The following OTOF variants were observed in gnomAD, a reference collection of about 807,000 sequenced individuals.
The protein encoded by OTOF is fer-1-like family member 2.
OTOF carries 218 observed loss-of-function variants against 236.8 expected under a neutral mutation model. That is an observed-to-expected ratio of 0.92 (90% CI 0.82 to 1.03). The LOEUF (loss-of-function observed/expected upper bound fraction) is 1.03, where lower values mean the gene tolerates loss of function less well. Among genes scored for constraint, OTOF ranks in the 50% least tolerant of loss-of-function variants. The pLI, the probability that OTOF is intolerant of heterozygous loss-of-function variation, is 0.00. For missense variants in OTOF, 2,590 were observed against 2,694.4 expected, an observed-to-expected ratio of 0.96 and a Z score of 0.86; for synonymous variants, 1,041 against 1,072.5, an observed-to-expected ratio of 0.97 and a Z score of 0.57.
intron 30 of OTOF, among the ~76,000 whole-genome samples, chr2:26,471,780 C>A (rs540936978): frequency 6.6e-6 from 1 of 152,098 alleles, no homozygotes; most frequent in African/African-American, 2.4e-5. Flanking sequence ...ATACGCACAC[C>A]GCAAGCATGC....
At chr2:26,535,572 G>C (rs940805388) in intron 2 of OTOF, among the ~76,000 whole-genome samples, 14 of 152,262 alleles carry the variant, frequency 9.2e-5, no homozygotes, top group African/African-American at 3.1e-4. Context: ...CCCCGGGCAG[G>C]AGCCTCTTCT....
intron 2 of OTOF, among the ~76,000 whole-genome samples, chr2:26,536,744 C>T (rs1260223399): frequency 1.3e-5 from 2 of 152,156 alleles, no homozygotes; most frequent in East Asian, 1.9e-4. Context: ...AGGGGGTACA[C>T]TATTTGAGGG....
In OTOF at chr2:26,459,023, A is replaced by G. The variant is rs1309461293; in HGVS notation, c.*18-803T>C. On this transcript the variant is annotated intron_variant, in intron 46 of 46. Coordinates refer to ENST00000272371, the MANE Select transcript of OTOF (RefSeq NM_194248.3). ...GTACCTACCTCCTGGGTTTGGCGCA[A>G]TGGCACAGTGAGCCAGTGCCTGGGG... is the stretch of plus-strand genomic sequence containing the variant. Among the ~76,000 whole-genome samples, 8 of 152,334 alleles carry G rather than the reference A, an allele frequency of 5.3e-5. No homozygotes were observed. The East Asian group carries it at 1.5e-3, about 29-fold the overall frequency.
In OTOF at chr2:26,476,112, A is replaced by G. The variant is rs761750561; in HGVS notation, c.2866+16T>C. The stretch of plus-strand genomic sequence containing the variant: ...CCCCTCCCAGGTGAGGCTTCGAGTG[A>G]GGGGTCCTCACTCACTGGTGTAGAC... On this transcript the variant is annotated intron_variant, in intron 23 of 46. Coordinates refer to ENST00000272371, the MANE Select transcript of OTOF (RefSeq NM_194248.3). 1 of 1,611,252 alleles carries G rather than the reference A, an allele frequency of 6.2e-7. No homozygotes were observed. The highest frequency in any genetic ancestry group is 1.1e-5 in the South Asian group (1 of 90,874).
At chr2:26,474,490 G>A in intron 26 of OTOF, 23 bp downstream of exon 26, 6 of 1,531,150 alleles carry the variant, frequency 3.9e-6, no homozygotes, top group Non-Finnish European at 5.3e-6. Flanking sequence ...CCAGGCCTCA[G>A]CCCCTCTTCC....
intron 4 of OTOF, among the ~76,000 whole-genome samples, chr2:26,517,636 T>C (rs948039809): frequency 2.0e-5 from 3 of 152,206 alleles, no homozygotes; most frequent in Non-Finnish European, 4.4e-5. Flanking sequence ...ACCAAGTATG[T>C]TGTTATGGGA....
chr2:26,483,493 G>A lies in OTOF; in HGVS notation c.1361C>T (p.Pro454Leu). ...GCCAGCAAAGAAGACTTGCACGTAG[G>A]GGTCCACGAGGTCCTTGTTTTCACC... ...FIGENKDLVD[P>L]YVQVFFAGQK... is the part of the protein sequence containing the mutation. Residue 454 changes from proline (P) to leucine (L), a missense_variant, in exon 13 of 47, where the codon CCC (proline) becomes CTC (leucine). Physicochemically the swap from Pro to Leu is moderately conservative, Grantham distance 98 (BLOSUM62 -3). Around this residue, in one of 2 missense-constraint regions of OTOF, gnomAD observed 1,379 missense variants for 1,341.6 expected, o/e 1.03. Coordinates refer to ENST00000272371, the MANE Select transcript of OTOF (RefSeq NM_194248.3). The A allele has an allele frequency of 6.2e-7, 1 of 1,613,918 alleles. No homozygotes were observed. Among genetic ancestry groups the A allele is most frequent in the Non-Finnish European group, 8.5e-7 (1 of 1,180,026 alleles).
chr2:26,531,560 C>T (rs906887836), intron 2 of OTOF, among the ~76,000 whole-genome samples: 3 of 152,168 alleles, frequency 2.0e-5, no homozygotes, highest in African/African-American at 7.2e-5. Flanking sequence ...ATGCCACCTC[C>T]CTCCCCTTCG....
intron 6 of OTOF, among the ~76,000 whole-genome samples, chr2:26,503,534 G>T (rs1666171559): frequency 6.6e-6 from 1 of 152,256 alleles, no homozygotes; most frequent in African/African-American, 2.4e-5. Context: ...GGAAGAACCG[G>T]GAGCAACGAG....
chr2:26,488,116 T>C (rs1405284795), intron 11 of OTOF, among the ~76,000 whole-genome samples: 2 of 152,256 alleles, frequency 1.3e-5, no homozygotes, highest in Non-Finnish European at 2.9e-5. Context: ...TAAGTCATAG[T>C]TGTAATGTGC....
At chr2:26,459,960 G>A (rs556995480) in intron 46 of OTOF, 48 bp downstream of exon 46, 92 of 1,536,224 alleles carry the variant, frequency 6.0e-5, no homozygotes, top group Admixed American at 1.6e-4. Flanking sequence ...GTGTGTGCAC[G>A]CGCCTGCCTA....
Position 26,462,252 on chromosome 2 carries a change from G to A in OTOF, c.5193-71C>T. The A allele has an allele frequency of 7.5e-7, 1 of 1,327,354 alleles. No homozygotes were observed. The highest frequency in any genetic ancestry group is 1.2e-5 in the South Asian group (1 of 85,388). The allele number at this position is 1,327,354 out of a possible 1,614,324, so 82.2% of individuals were successfully genotyped here. A position where few individuals can be genotyped will look rare whatever the true frequency, so the allele number is the denominator to read the frequency against. ...TATGCCAGGGTGCCAGGGCTGGGAT[G>A]GGGCAGGCGGAGAGAAGCCCTGGGG... On this transcript the variant is annotated intron_variant, in intron 41 of 46. Coordinates refer to ENST00000272371, the MANE Select transcript of OTOF (RefSeq NM_194248.3). This position sits in a 1 kb window ranked among gnomAD's most constrained non-coding sequence, Gnocchi z 4.7.
Position 26,460,542 on chromosome 2 carries a change from A to C in OTOF, c.5813+105T>G. 1.1e-6 allele frequency: 1 copy of C among 916,806 alleles called. No individual in the cohort carries two copies. The highest frequency in any genetic ancestry group is 1.8e-6 in the Non-Finnish European group (1 of 567,646). The allele number at this position is 916,806 out of a possible 1,614,324, so 56.8% of individuals were successfully genotyped here. A position where few individuals can be genotyped will look rare whatever the true frequency, so the allele number is the denominator to read the frequency against. ...GCAGGGAGGAGGCTCCCCTGTAATG[A>C]GGCTGTGGCCCAGGAAGAGATGGGG... On this transcript the variant is annotated intron_variant, in intron 45 of 46. Transcript: ENST00000272371. The surrounding 1 kb of genome is among the most constrained non-coding windows in gnomAD (Gnocchi z 5.3).
In OTOF at chr2:26,464,912, G is replaced by A. The variant is rs1236960852; in HGVS notation, c.4917C>T (p.Ala1639=). The A allele has an allele frequency of 1.3e-6, 2 of 1,597,040 alleles. No homozygotes were observed. The highest frequency in any genetic ancestry group is 1.7e-5 in the Admixed American group (1 of 58,712). ...HFGPPGRVKV[A]NRVFTGPSEI... ...CAGAGGGCCCAGTGAAGACGCGGTT[G>A]GCCACCTTCACTCTCCCAGGGGGCC... The change falls in exon 39 of 47, where the codon GCC becomes GCT. Residue 1639 remains alanine (A), a synonymous_variant. Coordinates refer to ENST00000272371, the MANE Select transcript of OTOF (RefSeq NM_194248.3).
In OTOF at chr2:26,461,614, G is replaced by C; in HGVS notation, c.5533+82C>G. The C allele has an allele frequency of 6.3e-7, 1 of 1,583,886 alleles. No homozygotes were observed. The highest frequency in any genetic ancestry group is 2.2e-5 in the East Asian group (1 of 44,656). On this transcript the variant is annotated intron_variant, in intron 43 of 46. Transcript: ENST00000272371. This position sits in a 1 kb window ranked among gnomAD's most constrained non-coding sequence, Gnocchi z 6.2. ...ATGACCCCTTGTCCCCCCAAGGCAG[G>C]GCTCTCCCTGTCCCCGCCAACCCGG...
At chr2:26,489,768 G>A (rs760177750) in intron 9 of OTOF, 28 bp from the exon 10 acceptor site, 30 of 1,579,048 alleles carry the variant, frequency 1.9e-5, no homozygotes, top group Non-Finnish European at 2.6e-5. Flanking sequence ...CAGGCCTGCT[G>A]TCACTGAGGG....
At chr2:26,541,315 A>G (rs1399731713) in intron 1 of OTOF, among the ~76,000 whole-genome samples, 1 of 152,202 alleles carries the variant, frequency 6.6e-6, no homozygotes, top group East Asian at 1.9e-4. Context: ...TGCAGAATTT[A>G]TACATCAGGG....
In OTOF at chr2:26,475,948, C is replaced by G. The variant is rs762442956; in HGVS notation, c.2957G>C (p.Arg986Pro). Residue 986 changes from arginine to proline, a missense_variant, in exon 24 of 47, where the codon CGC becomes CCC. Physicochemically the swap from Arg to Pro is moderately radical, Grantham distance 103. This residue lies in a region of OTOF where 1,379 missense variants were observed against 1,341.6 expected (regional missense o/e 1.03). Coordinates refer to ENST00000272371, the MANE Select transcript of OTOF (RefSeq NM_194248.3). The part of the protein sequence containing the change: ...DSSGLSDPFA[R>P]VFFINQSQCT... ...CTGACTCTGATTGATGAAGAAGACG[C>G]GGGCAAAGGGGTCTGAGAGTCCGCT... 114 of 1,611,108 alleles carry G rather than the reference C, an allele frequency of 7.1e-5. 1 individual carries two copies. Among genetic ancestry groups the G allele is most frequent in the Non-Finnish European group, 9.4e-5 (111 of 1,179,318 alleles).
intron 1 of OTOF, among the ~76,000 whole-genome samples, chr2:26,546,414 T>A (rs1175630337): frequency 6.6e-6 from 1 of 151,772 alleles, no homozygotes; most frequent in Non-Finnish European, 1.5e-5. Flanking sequence ...TGAGCTGAGA[T>A]TGCTCCATTG....
Sources: gnomAD v4.1 joint callset for allele counts (sites outside exome capture counted in the v4.1 genomes callset) on GRCh38, gnomAD v4.1.1 for gene constraint, gnomAD v4.1.1 regional missense constraint, Gnocchi (gnomAD v3.1) non-coding constraint, MANE v1.5 for transcripts, NCBI Gene and HGNC (gene_info 2026-07-23, HGNC 2026-07-21) for gene names.